TRPM5: variants seen among roughly 807,000 people sequenced by gnomAD.
The protein encoded by TRPM5 is transient receptor potential cation channel subfamily M member 5.
A neutral mutation model predicts 124.9 loss-of-function variants in TRPM5; 121 were observed. The observed-to-expected ratio is 0.97, with a 90% CI of 0.84 to 1.13. The LOEUF is 1.13. TRPM5 is among the 50% of genes most tolerant of loss of function. The pLI, the probability that TRPM5 is intolerant of heterozygous loss-of-function variation, is 0.00. For missense variants in TRPM5, 1,643 were observed against 1,589.1 expected, an observed-to-expected ratio of 1.03 and a Z score of -0.58; for synonymous variants, 781 against 700.5, an observed-to-expected ratio of 1.11 and a Z score of -1.81.
chr11:2,443,178 G>A, the TRPM5 span, among the ~76,000 whole-genome samples: 30,835 of 152,062 alleles, frequency 0.2, 4,654 homozygotes, highest in African/African-American at 0.41. This position sits in a 1 kb window ranked among gnomAD's most constrained non-coding sequence, Gnocchi z 5.0. Context: ...CTTTACACTT[G>A]AGCCTCTGAT....
chr11:2,413,349 G>A lies in TRPM5; in HGVS notation c.2004-123C>T, dbSNP rs1189757627. The A allele has an allele frequency of 6.9e-6, 9 of 1,309,288 alleles. No individual in the cohort carries two copies. In the East Asian group the frequency reaches 2.3e-4, roughly 33 times the overall value. The allele number at this position is 1,309,288 out of a possible 1,614,324, so 81.1% of individuals were successfully genotyped here. On this transcript the variant is annotated intron_variant, in intron 13 of 23. Coordinates refer to ENST00000155858, the Ensembl canonical transcript of TRPM5. ...GGGGCTGTGGGGAGTGGGACCCGCA[G>A]GGAGGCTGGACTTGGGGGCTACAGA...
the TRPM5 span, among the ~76,000 whole-genome samples, chr11:2,435,449 C>G: frequency 6.6e-6 from 1 of 151,332 alleles, no homozygotes; most frequent in Non-Finnish European, 1.5e-5. This position sits in a 1 kb window ranked among gnomAD's most constrained non-coding sequence, Gnocchi z 4.1. Context: ...CAGCCTTCCA[C>G]CAGCCTGCCC....
exon 2 of TRPM5, chr11:2,422,286 C>T: frequency 1.2e-6 from 2 of 1,612,158 alleles, no homozygotes; most frequent in Admixed American, 1.7e-5. Flanking sequence ...GGTCAAAGAG[C>T]ACAGACGGGG....
At chr11:2,443,211 T>G in the TRPM5 span, among the ~76,000 whole-genome samples, 2,399 of 152,348 alleles carry the variant, frequency 0.016, 34 homozygotes, top group Non-Finnish European at 0.024. This position sits in a 1 kb window ranked among gnomAD's most constrained non-coding sequence, Gnocchi z 5.0. Flanking sequence ...TATTCTCGTG[T>G]GCGGTGAGAT....
At chr11:2,413,939 C>A (rs1386276607) in intron 12 of TRPM5, 122 bp downstream of exon 17, 2 of 1,367,934 alleles carry the variant, frequency 1.5e-6, no homozygotes, top group South Asian at 1.3e-5. Context: ...CACCCCGCCC[C>A]CTCTGTGCTG....
At chr11:2,410,730 G>A (rs2133508231) in intron 18 of TRPM5, 2 of 454,978 alleles carry the variant, frequency 4.4e-6, no homozygotes. Flanking sequence ...CCAGCTACAG[G>A]GGTCGGCCTG....
Position 2,407,160 on chromosome 11 carries a change from C to T in TRPM5, c.3077G>A (p.Arg1026Gln), listed in dbSNP as rs115395156. 668 of 1,610,066 alleles carry T rather than the reference C, an allele frequency of 4.1e-4. 3 individuals carry two copies. In the African/African-American group the frequency reaches 7.6e-3, roughly 18 times the overall value. The change falls in exon 20 of 24, where the codon CGG (arginine) becomes CAG (glutamine). Residue 1026 changes from arginine to glutamine, a missense_variant. Transcript: ENST00000155858. ...GTGCTCAGCCTCCTTCTTGAAGACC[C>T]GGCGGAGCGTCAGGCTCAGGTGGCT...
At chr11:2,406,533 G>C in intron 21 of TRPM5, 128 bp downstream of exon 26, 1 of 1,316,920 alleles carries the variant, frequency 7.6e-7, no homozygotes, top group Non-Finnish European at 1.0e-6. Context: ...CCTGGGCTCG[G>C]CCAGAGCCCT....
chr11:2,419,953 C>T (rs1845744459), intron 4 of TRPM5, among the ~76,000 whole-genome samples: 1 of 152,204 alleles, frequency 6.6e-6, no homozygotes, highest in Non-Finnish European at 1.5e-5. Flanking sequence ...AACAGAACTG[C>T]ACCTGCTCTG....
chr11:2,415,617 C>A, intron 8 of TRPM5, 146 bp from the exon 14 acceptor site: 1 of 660,602 alleles, frequency 1.5e-6, no homozygotes, highest in Non-Finnish European at 2.5e-6. Context: ...TCCTGCACCC[C>A]AGCCTGCCCC....
chr11:2,420,884 C>T (rs977790191), intron 3 of TRPM5, 148 bp downstream of exon 8: 1 of 939,272 alleles, frequency 1.1e-6, no homozygotes. Context: ...GGTACTGCCA[C>T]CTGCCGGCCG....
At chr11:2,412,355 T>A in intron 15 of TRPM5, 102 bp from the exon 21 acceptor site, 1 of 920,942 alleles carries the variant, frequency 1.1e-6, no homozygotes, top group Non-Finnish European at 1.7e-6. Flanking sequence ...GGGTTCCATC[T>A]ATGACCAGGG....
chr11:2,430,858 AGGTGGTGTTGGTGGTGGTGGTTTTGGT>A, the TRPM5 span, among the ~76,000 whole-genome samples: 1 of 44,590 alleles, frequency 2.2e-5, no homozygotes, highest in Admixed American at 2.1e-4. Flanking sequence ...GTGGTGATGG[AGGTGGTGTTGGTGGTGGTGGTTTTGGT>A]GATGGTGACG....
At chr11:2,409,511 G>A (rs71471698) in intron 18 of TRPM5, among the ~76,000 whole-genome samples, 31 of 152,220 alleles carry the variant, frequency 2.0e-4, no homozygotes, top group Admixed American at 5.9e-4. Flanking sequence ...CCCCAGCTCC[G>A]GCTCGGCACG....
chr11:2,430,769 G>A, the TRPM5 span, among the ~76,000 whole-genome samples: 1 of 149,804 alleles, frequency 6.7e-6, no homozygotes, highest in Non-Finnish European at 1.5e-5. Flanking sequence ...TTTTGGTGGT[G>A]GTGATGGTGG....
chr11:2,415,390 C>T (rs906358822), exon 9 of TRPM5: 18 of 1,591,220 alleles, frequency 1.1e-5, no homozygotes, highest in East Asian at 6.8e-5. Context: ...GCCACGTCTG[C>T]GCCGTTGTCC....
At chr11:2,411,202 G>A (rs1850437969) in intron 18 of TRPM5, 150 bp downstream of exon 23, 5 of 986,280 alleles carry the variant, frequency 5.1e-6, no homozygotes, top group African/African-American at 1.6e-5. Flanking sequence ...GGGGGCCTGG[G>A]GACCAGGCCT....
intron 3 of TRPM5, 145 bp downstream of exon 8, chr11:2,420,887 G>A (rs1461247782): frequency 1.0e-6 from 1 of 959,032 alleles, no homozygotes; most frequent in Non-Finnish European, 1.5e-6. Flanking sequence ...ACTGCCACCT[G>A]CCGGCCGTGT....
chr11:2,421,569 G>T (rs943526580), intron 2 of TRPM5, among the ~76,000 whole-genome samples: 1 of 152,186 alleles, frequency 6.6e-6, no homozygotes, highest in African/African-American at 2.4e-5. Flanking sequence ...AAAGCCCTCG[G>T]CCCTTGTCTG....
Sources: gnomAD v4.1 joint callset for allele counts (sites outside exome capture counted in the v4.1 genomes callset) on GRCh38, gnomAD v4.1.1 for gene constraint, Gnocchi (gnomAD v3.1) non-coding constraint, MANE v1.5 for transcripts, NCBI Gene and HGNC (gene_info 2026-07-23, HGNC 2026-07-21) for gene names.